The following BMPR1B variants were observed in gnomAD, a reference collection of about 807,000 sequenced individuals.
BMPR1B encodes the protein bone morphogenetic protein receptor type 1B, also known as bone morphogenetic protein receptor type-1B.
In BMPR1B, 12 loss-of-function variants were observed where a neutral mutation model predicts 59.1. The observed-to-expected ratio is 0.20, with a 90% CI of 0.13 to 0.33. The LOEUF (loss-of-function observed/expected upper bound fraction) is 0.33. BMPR1B is among the 10% of genes least tolerant of loss of function. The pLI is 1.00. For missense variants in BMPR1B, 550 were observed against 610.9 expected (o/e 0.90, Z 1.05); for synonymous variants, 237 against 207.3 (o/e 1.14, Z -1.23).
intron 1 of BMPR1B, among the ~76,000 whole-genome samples, chr4:94,823,712 C>T (rs1724284773): frequency 6.6e-6 from 1 of 151,494 alleles, no homozygotes; most frequent in Non-Finnish European, 1.5e-5. Flanking sequence ...GTCTGAGCAG[C>T]CTACAGATTG....
intron 1 of BMPR1B, among the ~76,000 whole-genome samples, chr4:94,827,821 G>A (rs753054717): frequency 1.3e-5 from 2 of 152,132 alleles, no homozygotes; most frequent in African/African-American, 2.4e-5. Flanking sequence ...TAAAATCAAC[G>A]GGATGAGTAT....
chr4:94,901,956 A>G lies in BMPR1B; in HGVS notation c.-113+26056A>G, dbSNP rs114894823. Among the ~76,000 whole-genome samples, 865 of 151,858 alleles carry G rather than the reference A, an allele frequency of 5.7e-3. 7 individuals are homozygous for G. Among genetic ancestry groups the G allele is most frequent in the African/African-American group, 0.02 (816 of 41,430 alleles). On this transcript the variant is annotated intron_variant, in intron 2 of 12. Coordinates refer to ENST00000515059, the MANE Select transcript of BMPR1B (RefSeq NM_001203.3). ...ATTAGACATATAGTCACATAGGTAT[A>G]TATTCATATGAAGATATATCTGATC...
chr4:94,880,635 A>ATTTTTTT (rs35455973), intron 2 of BMPR1B, among the ~76,000 whole-genome samples: 2 of 125,258 alleles, frequency 1.6e-5, no homozygotes, highest in African/African-American at 6.4e-5. Flanking sequence ...ATTAAAATGA[A>ATTTTTTT]TTTTTTTTTT....
chr4:95,154,540 T>G lies in BMPR1B; in HGVS notation c.1384-8T>G. On this transcript the variant is annotated splice_polypyrimidine_tract_variant and splice_region_variant and intron_variant, in intron 12 of 12. Transcript: ENST00000515059. ...ATGATACATTTTTCTAACATTTCTC[T>G]TCCTCAGTGTCTAAGGCAGATGGGA... 6.2e-7 allele frequency: 1 copy of G among 1,614,038 alleles called. No homozygotes were observed. The highest frequency in any genetic ancestry group is 8.5e-7 in the Non-Finnish European group (1 of 1,179,918).
At chr4:94,758,433 C>G (rs960635813) in intron 1 of BMPR1B, among the ~76,000 whole-genome samples, 2 of 152,012 alleles carry the variant, frequency 1.3e-5, no homozygotes, top group African/African-American at 4.8e-5. Flanking sequence ...TAGGGACGCC[C>G]CAAGGCAGGG....
intron 1 of BMPR1B, among the ~76,000 whole-genome samples, chr4:94,814,028 G>A (rs1723919158): frequency 1.3e-5 from 2 of 152,152 alleles, no homozygotes; most frequent in African/African-American, 4.8e-5. Flanking sequence ...GTATATACAA[G>A]TCGGAATCAG....
intron 1 of BMPR1B, among the ~76,000 whole-genome samples, chr4:94,869,324 G>A (rs1255349895): frequency 6.6e-6 from 1 of 151,812 alleles, no homozygotes; most frequent in East Asian, 1.9e-4. Flanking sequence ...ACCTTTTTCC[G>A]TTATTTTACT....
At chr4:95,063,210 ATAAC>A (rs1727536424) in intron 3 of BMPR1B, among the ~76,000 whole-genome samples, 1 of 152,210 alleles carries the variant, frequency 6.6e-6, no homozygotes, top group African/African-American at 2.4e-5. Flanking sequence ...CTAATAGACA[ATAAC>A]TAACATATTC....
chr4:95,060,671 T>C (rs1380462103), intron 3 of BMPR1B, among the ~76,000 whole-genome samples: 1 of 152,164 alleles, frequency 6.6e-6, no homozygotes, highest in Non-Finnish European at 1.5e-5. Context: ...AGAGTTTGGC[T>C]CTGTGATTGC....
At chr4:94,799,704 G>A (rs1723333150) in intron 1 of BMPR1B, among the ~76,000 whole-genome samples, 1 of 149,578 alleles carries the variant, frequency 6.7e-6, no homozygotes, top group African/African-American at 2.5e-5. Flanking sequence ...TTTTGTTTTT[G>A]TTCTGAGACA....
chr4:95,014,629 A>G (rs1723456244), intron 3 of BMPR1B, among the ~76,000 whole-genome samples: 1 of 152,174 alleles, frequency 6.6e-6, no homozygotes, highest in South Asian at 2.1e-4. Context: ...TGATGCAGAG[A>G]CCCTTTATCT....
intron 12 of BMPR1B, among the ~76,000 whole-genome samples, chr4:95,153,757 C>T (rs1047613387): frequency 3.9e-5 from 6 of 152,010 alleles, no homozygotes; most frequent in Admixed American, 3.3e-4. Flanking sequence ...GATTGATGCA[C>T]GAGAATTGCT....
intron 10 of BMPR1B, among the ~76,000 whole-genome samples, chr4:95,136,142 A>G (rs1004699521): frequency 2.0e-5 from 3 of 150,636 alleles, no homozygotes; most frequent in Non-Finnish European, 4.5e-5. Context: ...TGTCTTTGCT[A>G]GGCAATAATT....
intron 1 of BMPR1B, among the ~76,000 whole-genome samples, chr4:94,862,668 G>A (rs576848205): frequency 2.4e-4 from 37 of 151,048 alleles, no homozygotes; most frequent in South Asian, 1.9e-3. Flanking sequence ...TAGCTGGGCC[G>A]GGCGTGGTGG....
intron 3 of BMPR1B, among the ~76,000 whole-genome samples, chr4:95,099,471 A>G (rs1195280115): frequency 1.3e-5 from 2 of 152,212 alleles, no homozygotes; most frequent in Admixed American, 6.5e-5. Flanking sequence ...TAAAAATTTG[A>G]TAATATAAAA....
chr4:95,032,231 C>T (rs1724919154), intron 3 of BMPR1B, among the ~76,000 whole-genome samples: 2 of 152,032 alleles, frequency 1.3e-5, no homozygotes, highest in Non-Finnish European at 2.9e-5. Context: ...TACCATTTTG[C>T]TGTGTCCTCA....
chr4:95,002,669 C>T (rs1030141815), intron 3 of BMPR1B, among the ~76,000 whole-genome samples: 5 of 152,112 alleles, frequency 3.3e-5, no homozygotes, highest in Admixed American at 2.6e-4. Context: ...CCTGTTTCCT[C>T]CTCCCTCATA....
At chr4:94,779,556 T>G (rs1722511520) in intron 1 of BMPR1B, among the ~76,000 whole-genome samples, 1 of 152,146 alleles carries the variant, frequency 6.6e-6, no homozygotes, top group Non-Finnish European at 1.5e-5. Flanking sequence ...CTTGGACGGG[T>G]GCGGTGGCTC....
chr4:94,980,666 C>G (rs1731201201), intron 2 of BMPR1B, among the ~76,000 whole-genome samples: 1 of 152,126 alleles, frequency 6.6e-6, no homozygotes, highest in African/African-American at 2.4e-5. Context: ...TTATTTCCCG[C>G]CTTGCACCCT....
Sources: gnomAD v4.1 joint callset for allele counts (sites outside exome capture counted in the v4.1 genomes callset) on GRCh38, gnomAD v4.1.1 for gene constraint, MANE v1.5 for transcripts, NCBI Gene and HGNC (gene_info 2026-07-23, HGNC 2026-07-21) for gene names.